Variants in ITPR1 observed in about 807,000 individuals in gnomAD.
The protein encoded by ITPR1 is inositol 1,4,5-trisphosphate receptor type 1.
A neutral mutation model predicts 318.4 loss-of-function variants in ITPR1; 96 were observed. That is an observed-to-expected ratio of 0.30 (90% CI 0.26 to 0.36). The LOEUF is 0.36. Among genes scored for constraint, ITPR1 ranks in the 10% least tolerant of loss-of-function variants. ITPR1 has a pLI of 1.00. For synonymous variants in ITPR1, 1,312 were observed against 1,289.9 expected, an observed-to-expected ratio of 1.02 and a Z score of -0.37; for missense variants, 2,440 against 3,460.2, an observed-to-expected ratio of 0.71 and a Z score of 7.40.
intron 47 of ITPR1, among the ~76,000 whole-genome samples, chr3:4,776,154 C>A (rs1180395210): frequency 6.6e-6 from 1 of 152,210 alleles, no homozygotes; most frequent in African/African-American, 2.4e-5. Flanking sequence ...TCTCGGCTCA[C>A]TGCCTCCTGG....
chr3:4,599,485 A>C (rs2091106706), intron 4 of ITPR1, among the ~76,000 whole-genome samples: 1 of 152,242 alleles, frequency 6.6e-6, no homozygotes, highest in Non-Finnish European at 1.5e-5. Flanking sequence ...CAAGTGTCAG[A>C]AACTAAGTAA....
intron 4 of ITPR1, among the ~76,000 whole-genome samples, chr3:4,557,292 A>G (rs1264733738): frequency 2.0e-5 from 3 of 151,902 alleles, no homozygotes; most frequent in Admixed American, 1.3e-4. Flanking sequence ...GTGCAGGGGA[A>G]CTCTCCTTTA....
chr3:4,520,703 A>C (rs1284213926), intron 3 of ITPR1, among the ~76,000 whole-genome samples: 1 of 152,180 alleles, frequency 6.6e-6, no homozygotes, highest in Non-Finnish European at 1.5e-5. Context: ...AGCTACCCTT[A>C]GTTGAATGCA....
At chr3:4,545,444 G>C (rs1484684046) in intron 4 of ITPR1, among the ~76,000 whole-genome samples, 1 of 151,994 alleles carries the variant, frequency 6.6e-6, no homozygotes, top group African/African-American at 2.4e-5. Context: ...GCAACAAGGT[G>C]AGACTCCGTC....
chr3:4,639,477 C>T lies in ITPR1; in HGVS notation c.366+7C>T. The T allele has an allele frequency of 6.4e-7, 1 of 1,558,114 alleles. No individual in the cohort carries two copies. The highest frequency in any genetic ancestry group is 8.7e-7 in the Non-Finnish European group (1 of 1,145,108). On this transcript the variant is annotated splice_region_variant and intron_variant, in intron 6 of 61. Coordinates refer to ENST00000649015, the MANE Select transcript of ITPR1 (RefSeq NM_001378452.1). The stretch of plus-strand genomic sequence containing the variant: ...GTATGGCAATGTGATCCAGGTAGGT[C>T]AAGGCAGCTCTTCCCTTCTGAAGCT...
intron 55 of ITPR1, among the ~76,000 whole-genome samples, chr3:4,808,016 T>TA (rs1299551142): frequency 3.9e-5 from 6 of 152,226 alleles, no homozygotes; most frequent in Admixed American, 3.9e-4. Context: ...TGCCTCCAGT[T>TA]GGCTTGGCTT....
rs1323740688 is a variant in ITPR1 at position 4,700,058 on chromosome 3, G to C, written c.4536+117G>C. The C allele has an allele frequency of 1.2e-5, 10 of 836,818 alleles. No homozygotes were observed. In the Admixed American group the frequency reaches 2.6e-4, roughly 22 times the overall value. 51.8% of individuals were successfully genotyped at this position (836,818 alleles called of 1,614,324 possible). A position where few individuals can be genotyped will look rare whatever the true frequency, so the allele number is the denominator to read the frequency against. Reference sequence around the variant, plus strand: ...ACTGGTCTGCAAGGCATTAATACAAGATATATTTCTCTTGGTGGAAGATAG... The same window carrying C: ...ACTGGTCTGCAAGGCATTAATACAACATATATTTCTCTTGGTGGAAGATAG... On this transcript the variant is annotated intron_variant, in intron 35 of 61. Transcript: ENST00000649015.
intron 37 of ITPR1, among the ~76,000 whole-genome samples, chr3:4,706,712 A>C (rs1042523676): frequency 2.0e-5 from 3 of 152,232 alleles, no homozygotes; most frequent in African/African-American, 7.2e-5. Flanking sequence ...CTCTTGAATC[A>C]GCAGGTGAAC....
At chr3:4,725,675 A>G (rs957247774) in intron 41 of ITPR1, 94 bp downstream of exon 41, 15 of 1,146,880 alleles carry the variant, frequency 1.3e-5, no homozygotes, top group Admixed American at 1.3e-4. Flanking sequence ...TGTAACAAAA[A>G]GTCTCTCCCG....
intron 52 of ITPR1, among the ~76,000 whole-genome samples, chr3:4,788,887 G>C (rs2047371280): frequency 6.6e-6 from 1 of 152,210 alleles, no homozygotes; most frequent in Admixed American, 6.5e-5. Flanking sequence ...CTATAGTTGT[G>C]ACGTGTTGAG....
At chr3:4,845,127 C>CA (rs544568148) in intron 61 of ITPR1, among the ~76,000 whole-genome samples, 34 of 152,326 alleles carry the variant, frequency 2.2e-4, no homozygotes, top group African/African-American at 7.2e-4. Flanking sequence ...AGTTAAATGA[C>CA]AAAACCATAA....
chr3:4,585,514 G>A (rs879868906), intron 4 of ITPR1, among the ~76,000 whole-genome samples: 2 of 152,108 alleles, frequency 1.3e-5, no homozygotes, highest in Non-Finnish European at 2.9e-5. Flanking sequence ...CCAGCTCACT[G>A]CAAACTCCAC....
intron 44 of ITPR1, among the ~76,000 whole-genome samples, chr3:4,743,628 C>G (rs2043862472): frequency 6.6e-6 from 1 of 152,074 alleles, no homozygotes; most frequent in South Asian, 2.1e-4. Context: ...AGCTGGAGAC[C>G]CAGCGTGATT....
At chr3:4,699,006 A>T (rs1296864665) in intron 34 of ITPR1, among the ~76,000 whole-genome samples, 3 of 152,096 alleles carry the variant, frequency 2.0e-5, no homozygotes, top group African/African-American at 7.2e-5. Context: ...ATTTTGAACA[A>T]TGTTGTGTAT....
chr3:4,795,300 C>G, intron 53 of ITPR1, 113 bp downstream of exon 53: 1 of 894,192 alleles, frequency 1.1e-6, no homozygotes, highest in Non-Finnish European at 1.6e-6. Context: ...TCCCAGTTAT[C>G]CACATTCAGA....
At chr3:4,507,840 T>C (rs555922915) in intron 2 of ITPR1, among the ~76,000 whole-genome samples, 1 of 152,248 alleles carries the variant, frequency 6.6e-6, no homozygotes, top group South Asian at 2.1e-4. Flanking sequence ...CTGTCATAAC[T>C]GGTGTTTAAG....
At chr3:4,603,152 C>A (rs1274159077) in intron 4 of ITPR1, among the ~76,000 whole-genome samples, 1 of 152,002 alleles carries the variant, frequency 6.6e-6, no homozygotes, top group Non-Finnish European at 1.5e-5. Context: ...GGAAATAAGG[C>A]AAGACTTGCT....
chr3:4,510,028 G>A (rs904471710), intron 2 of ITPR1, among the ~76,000 whole-genome samples: 5 of 152,190 alleles, frequency 3.3e-5, no homozygotes, highest in African/African-American at 9.7e-5. Context: ...CCAGGTTGCT[G>A]TATAGAAGAG....
intron 16 of ITPR1, among the ~76,000 whole-genome samples, chr3:4,663,936 A>G (rs1030058286): frequency 2.0e-5 from 3 of 152,180 alleles, no homozygotes; most frequent in African/African-American, 7.2e-5. Flanking sequence ...AATTTCACTT[A>G]GTGATATGCA....
Sources: allele counts gnomAD v4.1 joint callset (sites outside exome capture counted in the v4.1 genomes callset), GRCh38; gene constraint gnomAD v4.1.1; transcripts MANE v1.5; gene names NCBI Gene and HGNC (gene_info 2026-07-23, HGNC 2026-07-21).